Variants in ZNF679 observed in about 807,000 individuals in gnomAD.
The protein encoded by ZNF679 is hypothetical protein MGC42415.
ZNF679 carries 10 observed loss-of-function variants against 13.4 expected under a neutral mutation model. The observed-to-expected ratio is 0.75, with a 90% confidence interval of 0.46 to 1.27. The LOEUF is 1.27. Among genes scored for constraint, ZNF679 ranks in the 50% most tolerant of loss-of-function variants. The probability of loss-of-function intolerance (pLI) is 0.00; values close to 1 mark genes in which losing one functional copy is unlikely to be tolerated. For synonymous variants in ZNF679, 179 were observed against 162.5 expected (o/e 1.10, Z -0.77); for missense variants, 525 against 477.8 (o/e 1.10, Z -0.92).
intron 1 of ZNF679, among the ~76,000 whole-genome samples, chr7:64,230,739 C>T (rs1190494340): frequency 6.6e-6 from 1 of 152,118 alleles, no homozygotes; most frequent in Non-Finnish European, 1.5e-5. Flanking sequence ...ACATTGGTCC[C>T]AACACCAGGT....
chr7:64,249,160 AGTGCTGG>A lies in ZNF679; in HGVS notation c.39+7_39+13del, dbSNP rs1187564090. On this transcript the variant is annotated splice_donor_5th_base_variant and intron_variant, in intron 2 of 4. Transcript: ENST00000421025. ...ATCCCCTGGAAGCCGAGAAATGGTG[AGTGCTGG>A]GTCTGTCACCGTGAGAGAGGGGTGA... 2 of 1,614,002 alleles carry A rather than the reference AGTGCTGG, an allele frequency of 1.2e-6. No homozygotes were observed. Among genetic ancestry groups the A allele is most frequent in the African/African-American group, 2.7e-5 (2 of 74,914 alleles).
At position 64,260,842 on chromosome 7, in the gene ZNF679, G is replaced by A. The variant is rs748301934; in HGVS notation, c.175G>A (p.Val59Ile). 2 of 1,603,214 alleles carry A rather than the reference G, an allele frequency of 1.2e-6. No individual in the cohort carries two copies. The highest frequency in any genetic ancestry group is 2.3e-5 in the South Asian group (2 of 88,694). Reference sequence around the variant, plus strand: ...TTTTCTTAATAAAACAGGTATTGCTGTCTCTAAGCCAGACTTGATCACCTG... The same window carrying A: ...TTTTCTTAATAAAACAGGTATTGCTATCTCTAAGCCAGACTTGATCACCTG... Reference protein sequence around the residue: ...YRNLVSLGIAVSKPDLITCLE... With the variant: ...YRNLVSLGIAISKPDLITCLE... Residue 59 changes from valine (V) to isoleucine (I), a missense_variant, in exon 4 of 5, where the codon GTC (valine) becomes ATC (isoleucine). Val to Ile is a conservative substitution (Grantham distance 29, BLOSUM62 3). Coordinates refer to ENST00000421025, the MANE Select transcript of ZNF679 (RefSeq NM_153363.3).
At chr7:64,235,014 T>C (rs1192132587) in intron 1 of ZNF679, among the ~76,000 whole-genome samples, 1 of 152,148 alleles carries the variant, frequency 6.6e-6, no homozygotes, top group South Asian at 2.1e-4. Context: ...ATTTTTGTAT[T>C]TTTTCTAGAG....
At chr7:64,235,317 A>G (rs376842616) in intron 1 of ZNF679, among the ~76,000 whole-genome samples, 1,908 of 150,294 alleles carry the variant, frequency 0.013, 51 homozygotes, top group African/African-American at 0.042. Context: ...GAAACAACAT[A>G]CAATAACTTC....
At chr7:64,255,112 C>T (rs1787988620) in intron 2 of ZNF679, among the ~76,000 whole-genome samples, 1 of 151,846 alleles carries the variant, frequency 6.6e-6, no homozygotes. Flanking sequence ...CTCTGGGTGT[C>T]TGGTAAGGTG....
intron 2 of ZNF679, among the ~76,000 whole-genome samples, chr7:64,259,663 C>T (rs1388673519): frequency 6.6e-6 from 1 of 152,134 alleles, no homozygotes; most frequent in Admixed American, 6.5e-5. Flanking sequence ...TGCGGGGGCT[C>T]ACGCTAGTAA....
At chr7:64,262,555 G>T (rs1788092422) in intron 4 of ZNF679, among the ~76,000 whole-genome samples, 1 of 151,966 alleles carries the variant, frequency 6.6e-6, no homozygotes, top group Non-Finnish European at 1.5e-5. Context: ...TTTCAACATT[G>T]TCTGTTGAAG....
chr7:64,235,684 G>A (rs1787699918), intron 1 of ZNF679, among the ~76,000 whole-genome samples: 1 of 151,996 alleles, frequency 6.6e-6, no homozygotes, highest in East Asian at 1.9e-4. Flanking sequence ...AGCTACTCAG[G>A]AGACTGAGGC....
chr7:64,240,487 T>C (rs1787783762), intron 1 of ZNF679, among the ~76,000 whole-genome samples: 1 of 152,166 alleles, frequency 6.6e-6, no homozygotes, highest in African/African-American at 2.4e-5. Context: ...TACTGAGGCA[T>C]ATTGTATGAA....
At chr7:64,248,962 C>A in intron 1 of ZNF679, 66 bp from the exon 2 acceptor site, 1 of 1,064,962 alleles carries the variant, frequency 9.4e-7, no homozygotes, top group Non-Finnish European at 1.4e-6. Context: ...TACAATCAGG[C>A]ATGCAGCTGG....
At chr7:64,240,104 T>C (rs750320136) in intron 1 of ZNF679, among the ~76,000 whole-genome samples, 19 of 152,138 alleles carry the variant, frequency 1.2e-4, no homozygotes, top group Non-Finnish European at 2.4e-4. Flanking sequence ...AAAGGGGGCA[T>C]TGTGATATAT....
Position 64,260,261 on chromosome 7 carries a change from T to C in ZNF679, c.80T>C (p.Leu27Pro), listed in dbSNP as rs1788057481. The C allele has an allele frequency of 1.2e-6, 2 of 1,611,832 alleles. No homozygotes were observed. The highest frequency in any genetic ancestry group is 8.5e-7 in the Non-Finnish European group (1 of 1,179,448). ...TFRDVVIEFS[L>P]EEWQCLDHAQ... ...AGAGATGTAGTCATAGAATTCTCTC[T>C]GGAGGAGTGGCAATGCCTGGATCAC... Residue 27 changes from leucine (L) to proline (P), a missense_variant, in exon 3 of 5, where the codon CTG becomes CCG. By Grantham distance (98) the Leu-to-Pro change is moderately conservative. Coordinates refer to ENST00000421025, the MANE Select transcript of ZNF679 (RefSeq NM_153363.3).
chr7:64,231,043 CTA>C (rs1787631988), intron 1 of ZNF679, among the ~76,000 whole-genome samples: 1 of 152,158 alleles, frequency 6.6e-6, no homozygotes, highest in Admixed American at 6.5e-5. Context: ...TTGGCCGTGC[CTA>C]TGAGAGTCAC....
chr7:64,262,451 G>T (rs1374321852), intron 4 of ZNF679, among the ~76,000 whole-genome samples: 2 of 151,994 alleles, frequency 1.3e-5, no homozygotes, highest in Non-Finnish European at 2.9e-5. Flanking sequence ...TAAGAATTTC[G>T]TTAGTTTTTT....
intron 1 of ZNF679, among the ~76,000 whole-genome samples, chr7:64,247,408 A>G (rs1486500675): frequency 3.3e-5 from 5 of 152,234 alleles, no homozygotes; most frequent in African/African-American, 1.2e-4. Context: ...GCAATATGCT[A>G]GAAAGGTAAA....
intron 1 of ZNF679, among the ~76,000 whole-genome samples, chr7:64,242,374 G>A (rs10276465): frequency 0.3 from 45,685 of 152,064 alleles, 7,659 homozygotes; most frequent in East Asian, 0.48. Flanking sequence ...CATCTGCTTC[G>A]AGACCTTTGT....
intron 2 of ZNF679, among the ~76,000 whole-genome samples, chr7:64,255,422 A>G (rs1787993134): frequency 6.6e-6 from 1 of 152,056 alleles, no homozygotes; most frequent in South Asian, 2.1e-4. Flanking sequence ...GCATATCCCC[A>G]ACCCCAGACA....
intron 1 of ZNF679, among the ~76,000 whole-genome samples, chr7:64,235,117 T>C (rs1249368418): frequency 6.6e-6 from 1 of 152,062 alleles, no homozygotes; most frequent in Non-Finnish European, 1.5e-5. Context: ...GGATTACAGG[T>C]GTAAGCCACT....
intron 1 of ZNF679, among the ~76,000 whole-genome samples, chr7:64,248,519 A>T (rs1407972354): frequency 6.6e-6 from 1 of 151,798 alleles, no homozygotes; most frequent in Non-Finnish European, 1.5e-5. Flanking sequence ...TGACCTCATT[A>T]TCCACCCGCC....
Sources: gnomAD v4.1 joint callset for allele counts (sites outside exome capture counted in the v4.1 genomes callset) on GRCh38, gnomAD v4.1.1 for gene constraint, MANE v1.5 for transcripts, NCBI Gene and HGNC (gene_info 2026-07-23, HGNC 2026-07-21) for gene names.